The following JAG1 variants were observed in gnomAD, a reference collection of about 807,000 sequenced individuals.
JAG1 encodes jagged canonical Notch ligand 1.
A neutral mutation model predicts 148.7 loss-of-function variants in JAG1; 23 were observed. That is an observed-to-expected ratio of 0.15 (90% CI 0.11 to 0.22). The LOEUF is 0.22. Among genes scored for constraint, JAG1 ranks in the 10% least tolerant of loss-of-function variants. The pLI, the probability that JAG1 is intolerant of heterozygous loss-of-function variation, is 1.00. For missense variants in JAG1, 1,054 were observed against 1,611.2 expected (o/e 0.65, Z 5.92); for synonymous variants, 572 against 598.3 (o/e 0.96, Z 0.64).
Position 10,638,361 on chromosome 20 carries a change from AAAGT to A in JAG1, c.*1133_*1136del, listed in dbSNP as rs886056508. 12 of 152,776 alleles carry A rather than the reference AAAGT, an allele frequency of 7.9e-5. No homozygotes were observed. Among genetic ancestry groups the A allele is most frequent in the Admixed American group, 2.6e-4 (4 of 15,304 alleles). 9.5% of individuals were successfully genotyped at this position (152,776 alleles called of 1,614,324 possible). On this transcript the variant is annotated 3_prime_UTR_variant, in exon 26 of 26. Transcript: ENST00000254958. ...ATGGTGAAAAGAAATCAGAATTTAC[AAAGT>A]AAGATTGGTGTGCTTCCAAGTTCAC...
At chr20:10,670,949 C>A (rs758798666) in intron 2 of JAG1, among the ~76,000 whole-genome samples, 1 of 152,242 alleles carries the variant, frequency 6.6e-6, no homozygotes, top group Non-Finnish European at 1.5e-5. Flanking sequence ...TTTTCTAGGT[C>A]ACTTTTCCTT....
At position 10,642,591 on chromosome 20, in the gene JAG1, T is replaced by C. The variant is rs1194653407; in HGVS notation, c.2469A>G (p.Glu823=). ...AGPDCRININ[E]CQSSPCAFGA... The stretch of plus-strand genomic sequence containing the variant: ...CAAAGGCACAAGGTGAAGACTGGCA[T>C]TCATTGATGTCTAGGAGAAATGGAG... The change falls in exon 21 of 26, where the codon GAA becomes GAG. Residue 823 remains glutamate, a synonymous_variant. Coordinates refer to ENST00000254958, the MANE Select transcript of JAG1 (RefSeq NM_000214.3). 1 of 1,604,318 alleles carries C rather than the reference T, an allele frequency of 6.2e-7. No homozygotes were observed. Among genetic ancestry groups the C allele is most frequent in the Non-Finnish European group, 8.5e-7 (1 of 1,171,202 alleles).
At position 10,640,908 on chromosome 20, in the gene JAG1, C is replaced by T. The variant is rs752220078; in HGVS notation, c.3074G>A (p.Gly1025Glu). 8.7e-6 allele frequency: 14 copies of T among 1,614,110 alleles called. No homozygotes were observed. The highest frequency in any genetic ancestry group is 1.3e-5 in the African/African-American group (1 of 75,014). ...GTCAGTGATTTCCTTGATCGGGTTC[C>T]CATCATCCCGTATATCTTCAGCAGA... Reference protein sequence around the residue: ...AISAEDIRDDGNPIKEITDKI... With the variant: ...AISAEDIRDDENPIKEITDKI... The change falls in exon 25 of 26, where the codon GGG (glycine) becomes GAG (glutamate). Residue 1025 changes from glycine (G) to glutamate (E), a missense_variant. Gly to Glu is a moderately conservative substitution (Grantham distance 98). Around this residue, in one of 6 missense-constraint regions of JAG1, gnomAD observed 342 missense variants for 514.6 expected, o/e 0.66. Coordinates refer to ENST00000254958, the MANE Select transcript of JAG1 (RefSeq NM_000214.3).
In JAG1 at chr20:10,645,275, G is replaced by A; in HGVS notation, c.2114-19C>T. ...CTGTCACCTGGAGGAAAATATTTCA[G>A]TGTGAGTCCCAGTGGCCCCCTCCCA... is the stretch of plus-strand genomic sequence containing the variant. On this transcript the variant is annotated intron_variant, in intron 16 of 25. Coordinates refer to ENST00000254958, the MANE Select transcript of JAG1 (RefSeq NM_000214.3). The surrounding 1 kb of genome is among the most constrained non-coding windows in gnomAD (Gnocchi z 6.1). 1.2e-6 allele frequency: 2 copies of A among 1,610,884 alleles called. No individual in the cohort carries two copies. The highest frequency in any genetic ancestry group is 1.7e-6 in the Non-Finnish European group (2 of 1,177,050).
chr20:10,657,630 G>A (rs2067387393), intron 4 of JAG1, among the ~76,000 whole-genome samples: 1 of 152,052 alleles, frequency 6.6e-6, no homozygotes, highest in Admixed American at 6.5e-5. Flanking sequence ...TGTAAAATAA[G>A]CAGAGTACAT....
intron 20 of JAG1, 119 bp downstream of exon 20, chr20:10,643,659 G>A (rs1655157108): frequency 2.5e-6 from 2 of 796,696 alleles, no homozygotes; most frequent in Non-Finnish European, 4.3e-6. Flanking sequence ...GAGATCCTTT[G>A]CTCTATGAGA....
At position 10,649,823 on chromosome 20, in the gene JAG1, A is replaced by T. The variant is rs1016701008; in HGVS notation, c.1235-188T>A. The T allele has an allele frequency of 2.7e-5, 17 of 626,614 alleles. No homozygotes were observed. In the African/African-American group the frequency reaches 2.8e-4, roughly 10 times the overall value. 38.8% of individuals were successfully genotyped at this position (626,614 alleles called of 1,614,324 possible). ...CCCTCTCCCTAGCTATTATCCAATA[A>T]GAACCCTAATTGATAACTTTCCAGC... is the stretch of plus-strand genomic sequence containing the variant. On this transcript the variant is annotated intron_variant, in intron 9 of 25. Coordinates refer to ENST00000254958, the MANE Select transcript of JAG1 (RefSeq NM_000214.3).
chr20:10,665,149 G>A (rs2067444785), intron 2 of JAG1, among the ~76,000 whole-genome samples: 1 of 152,166 alleles, frequency 6.6e-6, no homozygotes, highest in Non-Finnish European at 1.5e-5. Flanking sequence ...GAAGCACACT[G>A]CTGCCAAGAG....
In JAG1 at chr20:10,673,103, C is replaced by T. The variant is rs2067509468; in HGVS notation, c.82-97G>A. On this transcript the variant is annotated intron_variant, in intron 1 of 25. Transcript: ENST00000254958. This position sits in a 1 kb window ranked among gnomAD's most constrained non-coding sequence, Gnocchi z 4.7. ...CCTCCCACTCCCCGCCCCGACGAGC[C>T]CTCCTCGCCGAGTGAAAATAATTTT... 8.9e-7 allele frequency: 1 copy of T among 1,124,486 alleles called. No individual in the cohort carries two copies. The highest frequency in any genetic ancestry group is 1.9e-4 in the Middle Eastern group (1 of 5,176). The allele number at this position is 1,124,486 out of a possible 1,614,324, so 69.7% of individuals were successfully genotyped here. A position where few individuals can be genotyped will look rare whatever the true frequency, so the allele number is the denominator to read the frequency against.
rs1300604943 is a variant in JAG1 at position 10,644,398 on chromosome 20, A to G, written c.2345-14T>C. The stretch of plus-strand genomic sequence containing the variant: ...AGTCATTGGTATCTGCAAAGAAAAG[A>G]CAACTTAATAGTGAGGACTTCAACA... On this transcript the variant is annotated splice_polypyrimidine_tract_variant and intron_variant, in intron 18 of 25. Transcript: ENST00000254958. The G allele has an allele frequency of 1.2e-6, 2 of 1,611,342 alleles. No individual in the cohort carries two copies. The highest frequency in any genetic ancestry group is 1.3e-5 in the African/African-American group (1 of 74,884).
At position 10,640,928 on chromosome 20, in the gene JAG1, A is replaced by G. The variant is rs781127532; in HGVS notation, c.3054T>C (p.Ala1018=). ...ANNEIHVAIS[A]EDIRDDGNPI... The stretch of plus-strand genomic sequence containing the variant: ...GGTTCCCATCATCCCGTATATCTTC[A>G]GCAGACTGGAAAAACAATTGTCAGA... The change falls in exon 25 of 26, where the codon GCT becomes GCC. Residue 1018 remains alanine, a synonymous_variant. Transcript: ENST00000254958. The G allele has an allele frequency of 1.2e-6, 2 of 1,614,174 alleles. No individual in the cohort carries two copies. Among genetic ancestry groups the G allele is most frequent in the Non-Finnish European group, 1.7e-6 (2 of 1,179,988 alleles).
chr20:10,658,995 TCTTA>T (rs1177376896), intron 3 of JAG1, among the ~76,000 whole-genome samples: 3 of 152,330 alleles, frequency 2.0e-5, no homozygotes, highest in Admixed American at 2.0e-4. Context: ...CGTTTGGGCT[TCTTA>T]CTATTAAACA....
chr20:10,655,692 C>T (rs2067374242), intron 5 of JAG1, among the ~76,000 whole-genome samples: 1 of 152,122 alleles, frequency 6.6e-6, no homozygotes, highest in Non-Finnish European at 1.5e-5. Context: ...ATTAAGACTG[C>T]CAAAAACACC....
rs2067298939 is a variant in JAG1 at position 10,645,101 on chromosome 20, T to G, written c.2227+42A>C. The G allele has an allele frequency of 5.2e-6, 8 of 1,549,860 alleles. No homozygotes were observed. Among genetic ancestry groups the G allele is most frequent in the Non-Finnish European group, 7.1e-6 (8 of 1,121,550 alleles). On this transcript the variant is annotated intron_variant, in intron 17 of 25. Transcript: ENST00000254958. The surrounding 1 kb of genome is among the most constrained non-coding windows in gnomAD (Gnocchi z 6.1). ...GGGCCAACCAGCAGACACGCCCAGG[T>G]GGCCATGCCCACTGCAGATCCCACG...
chr20:10,652,099 C>T, intron 7 of JAG1, 32 bp downstream of exon 7: 1 of 1,612,876 alleles, frequency 6.2e-7, no homozygotes, highest in Non-Finnish European at 8.5e-7. Flanking sequence ...AAAAATTAGA[C>T]AAAGGGCTCT....
chr20:10,650,147 T>G lies in JAG1; in HGVS notation c.1234+100A>C. 5.3e-6 allele frequency: 4 copies of G among 749,616 alleles called. No individual in the cohort carries two copies. In the South Asian group the frequency reaches 5.8e-5, roughly 11 times the overall value. 46.4% of individuals were successfully genotyped at this position (749,616 alleles called of 1,614,324 possible). On this transcript the variant is annotated intron_variant, in intron 9 of 25. Transcript: ENST00000254958. ...TAAATTACTTCTTAGCATGATGGAG[T>G]GTGAACTCACACTGCCGGCCACACG...
Position 10,641,098 on chromosome 20 carries a change from G to T in JAG1, c.3048+15C>A. 6.2e-7 allele frequency: 1 copy of T among 1,614,036 alleles called. No homozygotes were observed. The highest frequency in any genetic ancestry group is 8.5e-7 in the Non-Finnish European group (1 of 1,180,022). On this transcript the variant is annotated intron_variant, in intron 24 of 25. Coordinates refer to ENST00000254958, the MANE Select transcript of JAG1 (RefSeq NM_000214.3). ...TGCCATCGAATAATGAGGTGTGAAT[G>T]GGTCTTATACTTACAATGGCCACAT...
In JAG1 at chr20:10,640,950, C is replaced by CA; in HGVS notation, c.3049-18dup. On this transcript the variant is annotated splice_polypyrimidine_tract_variant and intron_variant, in intron 24 of 25. Coordinates refer to ENST00000254958, the MANE Select transcript of JAG1 (RefSeq NM_000214.3). ...TTCAGCAGACTGGAAAAACAATTGT[C>CA]AGACTTGAGAGTCAGAGGAATACTC... The CA allele has an allele frequency of 6.2e-7, 1 of 1,614,058 alleles. No homozygotes were observed. Among genetic ancestry groups the CA allele is most frequent in the South Asian group, 1.1e-5 (1 of 91,076 alleles).
At chr20:10,648,487 A>G (rs1366990013) in intron 12 of JAG1, 62 bp downstream of exon 12, 1 of 1,346,174 alleles carries the variant, frequency 7.4e-7, no homozygotes, top group Non-Finnish European at 1.1e-6. Context: ...AGTAAAGGGA[A>G]GCGGAGGAGG....
Sources: allele counts gnomAD v4.1 joint callset (sites outside exome capture counted in the v4.1 genomes callset), GRCh38; gene constraint gnomAD v4.1.1; regional missense constraint gnomAD v4.1.1; non-coding constraint Gnocchi (gnomAD v3.1); transcripts MANE v1.5; gene names NCBI Gene and HGNC (gene_info 2026-07-23, HGNC 2026-07-21).